Variants in MAP2K6 observed in about 807,000 individuals in gnomAD.
The protein encoded by MAP2K6 is mitogen-activated protein kinase kinase 6.
MAP2K6 carries 16 observed loss-of-function variants against 53.7 expected under a neutral mutation model. The observed-to-expected ratio is 0.30, with a 90% confidence interval of 0.20 to 0.45. The LOEUF (loss-of-function observed/expected upper bound fraction) is 0.45. Among genes scored for constraint, MAP2K6 ranks in the 20% least tolerant of loss-of-function variants. MAP2K6 has a pLI of 1.00. For synonymous variants in MAP2K6, 132 were observed against 143.1 expected (o/e 0.92, Z 0.55); for missense variants, 204 against 411.9 (o/e 0.50, Z 4.37).
intron 1 of MAP2K6, among the ~76,000 whole-genome samples, chr17:69,445,494 T>C (rs550125438): frequency 6.6e-6 from 1 of 152,364 alleles, no homozygotes; most frequent in East Asian, 1.9e-4. Flanking sequence ...GGATAAATGT[T>C]GTTTGGTTCA....
chr17:69,415,000 G>A lies in MAP2K6; in HGVS notation c.16G>A (p.Gly6Ser). ...AAAGGGGAAAATGTCTCAGTCGAAA[G>A]GTAAGAGGCTGTTTGCATTAGTTGC... MSQSK[G>S]KKRNPGLKIP... The change falls in exon 1 of 12, where the codon GGC (glycine) becomes AGC (serine). Residue 6 changes from glycine to serine, a missense_variant and splice_region_variant. Gly to Ser is a moderately conservative substitution (Grantham distance 56, BLOSUM62 0). Coordinates refer to ENST00000590474, the MANE Select transcript of MAP2K6 (RefSeq NM_002758.4). The A allele has an allele frequency of 6.4e-7, 1 of 1,553,240 alleles. No homozygotes were observed. The highest frequency in any genetic ancestry group is 8.9e-7 in the Non-Finnish European group (1 of 1,124,642).
chr17:69,471,325 G>C (rs1435999533), intron 1 of MAP2K6, among the ~76,000 whole-genome samples: 2 of 152,158 alleles, frequency 1.3e-5, no homozygotes, highest in African/African-American at 4.8e-5. Context: ...TATATGCCAT[G>C]GAATACTATA....
rs1246024608 is a variant in MAP2K6, at chr17:69,494,552, G to A, written c.17-11228G>A. 6.6e-6 allele frequency among the ~76,000 whole-genome samples: 1 copy of A among 152,028 alleles called. No homozygotes were observed. Among genetic ancestry groups the A allele is most frequent in the African/African-American group, 2.4e-5 (1 of 41,402 alleles). Reference sequence around the variant, plus strand: ...TGAATGGAGAGCCCCTGGATTAAAAGGGAAATAAGACCCTGTACTGATAGC... The same window carrying A: ...TGAATGGAGAGCCCCTGGATTAAAAAGGAAATAAGACCCTGTACTGATAGC... On this transcript the variant is annotated intron_variant, in intron 1 of 11. Transcript: ENST00000590474. The surrounding 1 kb of genome is among the most constrained non-coding windows in gnomAD (Gnocchi z 4.2).
chr17:69,436,696 C>T (rs112993233), intron 1 of MAP2K6, among the ~76,000 whole-genome samples: 400 of 152,304 alleles, frequency 2.6e-3, no homozygotes, highest in African/African-American at 8.4e-3. Flanking sequence ...GCAGAATCCT[C>T]ATGTGTCCTC....
intron 2 of MAP2K6, among the ~76,000 whole-genome samples, chr17:69,508,131 A>C (rs1378152927): frequency 7.6e-6 from 1 of 131,842 alleles, no homozygotes; most frequent in Non-Finnish European, 1.5e-5. Flanking sequence ...GGCTCACTGC[A>C]ACCTCTGCCC....
chr17:69,497,075 C>T (rs1908981515), intron 1 of MAP2K6, among the ~76,000 whole-genome samples: 1 of 152,170 alleles, frequency 6.6e-6, no homozygotes, highest in South Asian at 2.1e-4. Context: ...ATAGATTTTG[C>T]CTCTGCAAAA....
At chr17:69,529,007 C>T (rs1190577063) in intron 10 of MAP2K6, among the ~76,000 whole-genome samples, 1 of 152,020 alleles carries the variant, frequency 6.6e-6, no homozygotes, top group Non-Finnish European at 1.5e-5. Context: ...CCCACCTATC[C>T]CCTTTTCCCA....
At chr17:69,487,071 C>T (rs1236572886) in intron 1 of MAP2K6, among the ~76,000 whole-genome samples, 5 of 152,288 alleles carry the variant, frequency 3.3e-5, no homozygotes, top group Admixed American at 1.3e-4. Context: ...TATAACCTGC[C>T]TCTGTGATCC....
At chr17:69,422,428 G>A (rs911615289) in intron 1 of MAP2K6, among the ~76,000 whole-genome samples, 1 of 152,114 alleles carries the variant, frequency 6.6e-6, no homozygotes, top group African/African-American at 2.4e-5. Context: ...CACCACGCCT[G>A]GCCAAATCAT....
At chr17:69,451,553 G>A (rs543933459) in intron 1 of MAP2K6, among the ~76,000 whole-genome samples, 8 of 152,334 alleles carry the variant, frequency 5.3e-5, no homozygotes, top group African/African-American at 1.4e-4. Flanking sequence ...CAAGAGGGGA[G>A]ATTTGCATAC....
chr17:69,492,109 CTGTT>C (rs1295388772), intron 1 of MAP2K6, among the ~76,000 whole-genome samples: 1 of 152,100 alleles, frequency 6.6e-6, no homozygotes, highest in African/African-American at 2.4e-5. Context: ...TGTAGGTTGT[CTGTT>C]TATTCATAAT....
chr17:69,504,756 C>G (rs905416692), intron 1 of MAP2K6, among the ~76,000 whole-genome samples: 9 of 152,152 alleles, frequency 5.9e-5, no homozygotes, highest in Non-Finnish European at 4.4e-5. Flanking sequence ...AGTATTCGAG[C>G]CAAATTCTCT....
In MAP2K6 at chr17:69,550,200, A is replaced by G. The variant is rs1460713467; in HGVS notation, c.*8447A>G. ...TTGAAAGAGTTACCTTTTCAGACAGATGGCTGAACAAAAGTAAATGATTAA... is the reference window on the plus strand; with the variant it reads ...TTGAAAGAGTTACCTTTTCAGACAGGTGGCTGAACAAAAGTAAATGATTAA... On this transcript the variant is annotated 3_prime_UTR_variant, in exon 12 of 12. Coordinates refer to ENST00000590474, the MANE Select transcript of MAP2K6 (RefSeq NM_002758.4). The G allele has an allele frequency of 6.6e-6, 1 of 152,196 alleles. No individual in the cohort carries two copies. The highest frequency in any genetic ancestry group is 1.9e-4 in the East Asian group (1 of 5,196). The allele number at this position is 152,196 out of a possible 1,614,324, so 9.4% of individuals were successfully genotyped here.
chr17:69,485,822 C>T (rs1454449372), intron 1 of MAP2K6, among the ~76,000 whole-genome samples: 1 of 152,192 alleles, frequency 6.6e-6, no homozygotes. Flanking sequence ...CCCTTTCCCT[C>T]ATGGGCTTTT....
chr17:69,517,463 C>A, intron 3 of MAP2K6, 37 bp from the exon 4 acceptor site: 1 of 1,191,346 alleles, frequency 8.4e-7, no homozygotes, highest in Non-Finnish European at 1.2e-6. Flanking sequence ...GTTTATTTTT[C>A]TCTTTCCCAT....
intron 2 of MAP2K6, among the ~76,000 whole-genome samples, chr17:69,513,619 G>A (rs891304713): frequency 1.3e-5 from 2 of 151,606 alleles, no homozygotes; most frequent in East Asian, 1.9e-4. Flanking sequence ...AGAGGATGCC[G>A]TTGTTTATTT....
intron 1 of MAP2K6, among the ~76,000 whole-genome samples, chr17:69,421,428 A>G (rs1353503293): frequency 6.6e-6 from 1 of 152,168 alleles, no homozygotes; most frequent in Non-Finnish European, 1.5e-5. Flanking sequence ...GAAGAATCCC[A>G]TCCAATAGAA....
intron 1 of MAP2K6, among the ~76,000 whole-genome samples, chr17:69,504,888 T>C (rs1909379946): frequency 6.6e-6 from 1 of 152,136 alleles, no homozygotes; most frequent in Admixed American, 6.5e-5. Context: ...AGGGAAAATG[T>C]AAATAAGTAT....
chr17:69,485,437 T>A, intron 1 of MAP2K6: 1 of 978,382 alleles, frequency 1.0e-6, no homozygotes, highest in Non-Finnish European at 1.2e-6. Context: ...CTTATCTCTA[T>A]GGAACATTGA....
Sources: allele counts gnomAD v4.1 joint callset (sites outside exome capture counted in the v4.1 genomes callset), GRCh38; gene constraint gnomAD v4.1.1; non-coding constraint Gnocchi (gnomAD v3.1); transcripts MANE v1.5; gene names NCBI Gene and HGNC (gene_info 2026-07-23, HGNC 2026-07-21).